Variants in IRAG2 observed in about 807,000 individuals in gnomAD.
The protein encoded by IRAG2 is lymphoid restricted membrane protein.
Under a neutral mutation model 69.9 loss-of-function variants are expected in IRAG2, and 45 were observed. That is an observed-to-expected ratio of 0.64 (90% CI 0.51 to 0.83). The LOEUF (loss-of-function observed/expected upper bound fraction) is 0.83, where lower values mean the gene tolerates loss of function less well. IRAG2 is among the 40% of genes least tolerant of loss of function. IRAG2 has a pLI of 0.00. For missense variants in IRAG2, 520 were observed against 587.0 expected (o/e 0.89, Z 1.18); for synonymous variants, 193 against 202.4 (o/e 0.95, Z 0.40).
chr12:25,041,152 T>A (rs955070345), intron 16 of IRAG2, among the ~76,000 whole-genome samples: 5 of 152,004 alleles, frequency 3.3e-5, no homozygotes, highest in African/African-American at 1.2e-4. Context: ...GTGAGCTTGT[T>A]GTTTTTGAGC....
At chr12:25,015,444 C>T in intron 5 of IRAG2, 2 of 1,223,334 alleles carry the variant, frequency 1.6e-6, no homozygotes, top group Non-Finnish European at 2.0e-6. Flanking sequence ...CCTTCTTACT[C>T]TGCTTTCGCA....
intron 14 of IRAG2, among the ~76,000 whole-genome samples, chr12:25,095,032 C>T (rs1447100942): frequency 6.6e-6 from 1 of 152,056 alleles, no homozygotes; most frequent in African/African-American, 2.4e-5. Context: ...AATGATTTGA[C>T]TTCTTCCTTT....
intron 9 of IRAG2, among the ~76,000 whole-genome samples, chr12:25,080,312 T>TAAA (rs111646546): frequency 9.4e-5 from 14 of 149,224 alleles, no homozygotes; most frequent in African/African-American, 3.4e-4. Context: ...CTAATTCCCA[T>TAAA]AAAAAAAAAT....
At chr12:25,015,237 G>A in exon 4 of IRAG2, 1 of 1,226,822 alleles carries the variant, frequency 8.2e-7, no homozygotes, top group Non-Finnish European at 1.0e-6. Flanking sequence ...TTGTGAACAG[G>A]ATGGCATAAA....
At chr12:25,083,388 C>T (rs564325805) in intron 9 of IRAG2, 35 bp from the exon 10 acceptor site, 2 of 1,401,244 alleles carry the variant, frequency 1.4e-6, no homozygotes, top group Non-Finnish European at 2.0e-6. Flanking sequence ...GCTCCTGCCC[C>T]CCTAACTGCT....
At chr12:25,021,157 T>C in intron 7 of IRAG2, 2 of 216,868 alleles carry the variant, frequency 9.2e-6, no homozygotes, top group Admixed American at 6.0e-5. Flanking sequence ...CAGGCTGGAG[T>C]GCAGTGGCAG....
chr12:25,078,760 T>C (rs1485508537), intron 6 of IRAG2, among the ~76,000 whole-genome samples: 1 of 152,216 alleles, frequency 6.6e-6, no homozygotes, highest in African/African-American at 2.4e-5. Flanking sequence ...CTAACTTAGA[T>C]GTAATCCTTC....
intron 9 of IRAG2, among the ~76,000 whole-genome samples, chr12:25,027,924 G>T (rs888399502): frequency 2.0e-5 from 3 of 151,508 alleles, no homozygotes; most frequent in Middle Eastern, 3.2e-3. Flanking sequence ...ATGTTTGTTT[G>T]TTTATTTATT....
At chr12:25,096,839 CTTAGTCA>C in intron 14 of IRAG2, 64 bp from the exon 15 acceptor site, 1 of 1,242,298 alleles carries the variant, frequency 8.0e-7, no homozygotes, top group Non-Finnish European at 1.1e-6. Context: ...ACATTTGCAA[CTTAGTCA>C]GTGTTAGAAT....
At chr12:25,033,651 CT>C (rs1176254315) in intron 12 of IRAG2, 1 of 374,932 alleles carries the variant, frequency 2.7e-6, no homozygotes, top group Non-Finnish European at 4.7e-6. Flanking sequence ...GGTGTATGAC[CT>C]CCTAGACTCA....
chr12:25,019,234 C>G (rs903737984), intron 6 of IRAG2, among the ~76,000 whole-genome samples: 2 of 152,220 alleles, frequency 1.3e-5, no homozygotes, highest in African/African-American at 4.8e-5. Context: ...CATTTGCCAT[C>G]TATGGACAGC....
chr12:25,031,863 T>C (rs1412926710), intron 10 of IRAG2, among the ~76,000 whole-genome samples: 2 of 152,146 alleles, frequency 1.3e-5, no homozygotes, highest in Non-Finnish European at 2.9e-5. Context: ...GGTTTCCCCA[T>C]GTTGGTCAGG....
At chr12:25,013,586 G>A (rs903108844) in intron 3 of IRAG2, among the ~76,000 whole-genome samples, 4 of 151,984 alleles carry the variant, frequency 2.6e-5, no homozygotes, top group Non-Finnish European at 5.9e-5. Context: ...GTAGAAGGTA[G>A]TTTATGACAG....
chr12:25,048,511 G>T (rs1944815746), upstream of IRAG2, among the ~76,000 whole-genome samples: 1 of 152,134 alleles, frequency 6.6e-6, no homozygotes, highest in Non-Finnish European at 1.5e-5. Context: ...TGGCCAGGCT[G>T]GTCTCAAACT....
At chr12:25,024,370 TTAAC>T (rs761139861) in intron 8 of IRAG2, among the ~76,000 whole-genome samples, 15 of 152,206 alleles carry the variant, frequency 9.9e-5, no homozygotes, top group South Asian at 4.1e-4. Flanking sequence ...ATTTTCGAGA[TTAAC>T]TAAGATAATT....
At position 25,004,993 on chromosome 12, in the gene IRAG2, A is replaced by AAAAATCT. The variant is rs1591920559; in HGVS notation, c.574+80_574+86dup. The AAAAATCT allele has an allele frequency of 1.3e-4, 116 of 895,794 alleles. No homozygotes were observed. The East Asian group carries it at 3.8e-3, about 30-fold the overall frequency. The allele number at this position is 895,794 out of a possible 1,614,324, so 55.5% of individuals were successfully genotyped here. A position where few individuals can be genotyped will look rare whatever the true frequency, so the allele number is the denominator to read the frequency against. On this transcript the variant is annotated intron_variant, in intron 1 of 38. Transcript: ENST00000636465. ...TACTTTTAGAATACCTGAACTAAAA[A>AAAAATCT]AAAATCTACATTATTAAAGTTTGGA...
intron 9 of IRAG2, among the ~76,000 whole-genome samples, chr12:25,027,398 CT>C (rs527395400): frequency 7.2e-4 from 93 of 128,422 alleles, no homozygotes; most frequent in Middle Eastern, 4.0e-3. Flanking sequence ...CTTTTTTTTT[CT>C]TTTTTTTTTT....
Position 25,066,350 on chromosome 12 carries a change from T to C in IRAG2, c.-206-15T>C. 2.5e-6 allele frequency: 1 copy of C among 401,082 alleles called. No individual in the cohort carries two copies. Among genetic ancestry groups the C allele is most frequent in the East Asian group, 3.6e-5 (1 of 28,060 alleles). 24.8% of individuals were successfully genotyped at this position (401,082 alleles called of 1,614,324 possible). On this transcript the variant is annotated splice_polypyrimidine_tract_variant and intron_variant, in intron 4 of 21. Transcript: ENST00000556887. ...AAATTGGTCTCTATTTTTATTTTTT[T>C]CTGTTCTACTGCAGATGCCTTATCT...
At chr12:25,003,637 T>C (rs1423322906), upstream of IRAG2, among the ~76,000 whole-genome samples, 2 of 152,204 alleles carry the variant, frequency 1.3e-5, no homozygotes, top group Non-Finnish European at 2.9e-5. Flanking sequence ...GCAATAAAAC[T>C]ATGCTGGAGT....
Sources: gnomAD v4.1 joint callset for allele counts (sites outside exome capture counted in the v4.1 genomes callset) on GRCh38, gnomAD v4.1.1 for gene constraint, MANE v1.5 for transcripts, NCBI Gene and HGNC (gene_info 2026-07-23, HGNC 2026-07-21) for gene names.